The following FARS2 variants were observed in gnomAD, a reference collection of about 807,000 sequenced individuals.
FARS2 encodes the protein phenylalanyl-tRNA synthetase 2, mitochondrial, also known as phenylalanine--tRNA ligase, mitochondrial.
FARS2 carries 40 observed loss-of-function variants against 46.4 expected under a neutral mutation model. The ratio of observed to expected loss-of-function variants is 0.86; its 90% CI spans 0.67 to 1.12. The LOEUF (loss-of-function observed/expected upper bound fraction) is 1.12. FARS2 is among the 50% of genes most tolerant of loss of function. FARS2 has a pLI of 0.00. For synonymous variants in FARS2, 234 were observed against 214.9 expected, an observed-to-expected ratio of 1.09 and a Z score of -0.78; for missense variants, 513 against 567.9, an observed-to-expected ratio of 0.90 and a Z score of 0.98.
chr6:5,703,273 C>T (rs1160920075), intron 6 of FARS2, among the ~76,000 whole-genome samples: 1 of 152,132 alleles, frequency 6.6e-6, no homozygotes, highest in Non-Finnish European at 1.5e-5. Flanking sequence ...ACAATCCACG[C>T]TGTTCAGTGC....
chr6:5,682,260 T>A (rs1779072946), intron 6 of FARS2, among the ~76,000 whole-genome samples: 1 of 152,044 alleles, frequency 6.6e-6, no homozygotes, highest in Non-Finnish European at 1.5e-5. Context: ...GTTACAACAA[T>A]GTAAAAATAT....
intron 4 of FARS2, among the ~76,000 whole-genome samples, chr6:5,484,649 C>A (rs535175948): frequency 3.9e-5 from 6 of 152,336 alleles, no homozygotes; most frequent in African/African-American, 1.4e-4. Flanking sequence ...TGGGGACAGT[C>A]AGTGGTCCCA....
chr6:5,508,808 C>T (rs559534455), intron 4 of FARS2, among the ~76,000 whole-genome samples: 6 of 152,130 alleles, frequency 3.9e-5, no homozygotes, highest in Admixed American at 1.3e-4. Flanking sequence ...CTATCCCGCA[C>T]GGAGAGGTGG....
At chr6:5,679,089 T>C (rs1394472794) in intron 6 of FARS2, among the ~76,000 whole-genome samples, 1 of 152,214 alleles carries the variant, frequency 6.6e-6, no homozygotes, top group Non-Finnish European at 1.5e-5. Flanking sequence ...TGCCAGAGGC[T>C]TGTCCTTAGG....
At chr6:5,319,383 C>T (rs1241221095) in intron 1 of FARS2, among the ~76,000 whole-genome samples, 1 of 152,166 alleles carries the variant, frequency 6.6e-6, no homozygotes, top group Non-Finnish European at 1.5e-5. Flanking sequence ...GGAAAAATGC[C>T]TCAAATGAGC....
intron 6 of FARS2, among the ~76,000 whole-genome samples, chr6:5,741,203 G>A (rs9504502): frequency 0.21 from 31,911 of 152,142 alleles, 7,206 homozygotes; most frequent in African/African-American, 0.55. Context: ...GTTTAACCAA[G>A]TACTAGTAAG....
At chr6:5,595,342 T>C (rs1296542898) in intron 5 of FARS2, among the ~76,000 whole-genome samples, 1 of 152,164 alleles carries the variant, frequency 6.6e-6, no homozygotes, top group African/African-American at 2.4e-5. Context: ...AAATGACGCC[T>C]CAGCTGAACC....
chr6:5,252,076 C>G, the FARS2 span, among the ~76,000 whole-genome samples: 1 of 152,322 alleles, frequency 6.6e-6, no homozygotes, highest in African/African-American at 2.4e-5. Context: ...TGACGTTGAT[C>G]AGCACTTAGG....
chr6:5,619,044 T>C (rs1775626856), intron 6 of FARS2, among the ~76,000 whole-genome samples: 1 of 152,198 alleles, frequency 6.6e-6, no homozygotes, highest in African/African-American at 2.4e-5. Flanking sequence ...GTAACACCAG[T>C]TGCTCAGAAT....
At chr6:5,554,298 C>G (rs1247403292) in intron 5 of FARS2, among the ~76,000 whole-genome samples, 1 of 152,006 alleles carries the variant, frequency 6.6e-6, no homozygotes, top group Non-Finnish European at 1.5e-5. Flanking sequence ...GTATTTACTT[C>G]AGAAAAAAGG....
At chr6:5,252,339 G>A in the FARS2 span, among the ~76,000 whole-genome samples, 4 of 152,162 alleles carry the variant, frequency 2.6e-5, no homozygotes, top group African/African-American at 7.2e-5. Flanking sequence ...GACCAATCAA[G>A]TTGCTTCTCC....
intron 6 of FARS2, among the ~76,000 whole-genome samples, chr6:5,644,738 GCTTA>G (rs1283351332): frequency 1.3e-5 from 2 of 152,200 alleles, no homozygotes; most frequent in African/African-American, 4.8e-5. Context: ...ATCATTGGCT[GCTTA>G]CTTATTGTGC....
At chr6:5,514,984 C>T (rs1223148100) in intron 4 of FARS2, among the ~76,000 whole-genome samples, 1 of 151,750 alleles carries the variant, frequency 6.6e-6, no homozygotes, top group Non-Finnish European at 1.5e-5. Flanking sequence ...TACTGTTGCC[C>T]AGACTGGTCT....
intron 2 of FARS2, among the ~76,000 whole-genome samples, chr6:5,386,295 C>T (rs556787006): frequency 6.6e-6 from 1 of 152,118 alleles, no homozygotes; most frequent in South Asian, 2.1e-4. Flanking sequence ...TAGTGTGGAG[C>T]GTGGCACATT....
At chr6:5,616,021 A>C (rs944173046) in intron 6 of FARS2, among the ~76,000 whole-genome samples, 31 of 150,896 alleles carry the variant, frequency 2.1e-4, no homozygotes, top group African/African-American at 7.3e-4. Context: ...AAAAAAAAAA[A>C]AAAAAAAAAA....
At chr6:5,268,367 A>G (rs952681409) in intron 1 of FARS2, among the ~76,000 whole-genome samples, 12 of 152,166 alleles carry the variant, frequency 7.9e-5, no homozygotes, top group Admixed American at 5.9e-4. Flanking sequence ...AATCCATCTC[A>G]CATTAATTTT....
At chr6:5,272,942 A>G (rs768953927) in intron 1 of FARS2, among the ~76,000 whole-genome samples, 11 of 152,192 alleles carry the variant, frequency 7.2e-5, no homozygotes, top group Non-Finnish European at 1.2e-4. Flanking sequence ...ATTTCACTTA[A>G]CATAATGTCC....
Position 5,413,267 on chromosome 6 carries a change from C to G in FARS2, c.772+8566C>G, listed in dbSNP as rs140058210. The stretch of plus-strand genomic sequence containing the variant: ...GGGCAGAGGATAACAGAGAGGTTCA[C>G]TAATCTAGGGAAATAATAAATTGAA... On this transcript the variant is annotated intron_variant, in intron 3 of 6. Coordinates refer to ENST00000274680, the MANE Select transcript of FARS2 (RefSeq NM_006567.5). Among the ~76,000 whole-genome samples, 352 of 152,190 alleles carry G rather than the reference C, an allele frequency of 2.3e-3. 2 individuals carry two copies. The highest frequency in any genetic ancestry group is 8.2e-3 in the African/African-American group (342 of 41,524).
intron 1 of FARS2, among the ~76,000 whole-genome samples, chr6:5,306,975 T>C (rs549865031): frequency 1.1e-4 from 17 of 152,182 alleles, no homozygotes; most frequent in Admixed American, 2.0e-4. Context: ...AGAAAACTTA[T>C]CTAAGACCCC....
Sources: allele counts gnomAD v4.1 joint callset (sites outside exome capture counted in the v4.1 genomes callset), GRCh38; gene constraint gnomAD v4.1.1; transcripts MANE v1.5; gene names NCBI Gene and HGNC (gene_info 2026-07-23, HGNC 2026-07-21).